Variants in SMNDC1 observed in about 807,000 individuals in gnomAD.
SMNDC1 encodes the protein survival motor neuron domain containing 1.
Under a neutral mutation model 29.2 loss-of-function variants are expected in SMNDC1, and 5 were observed. The ratio of observed to expected loss-of-function variants is 0.17; its 90% CI spans 0.09 to 0.36. The LOEUF (loss-of-function observed/expected upper bound fraction) is 0.36, where lower values mean the gene tolerates loss of function less well. Ranked by LOEUF, SMNDC1 falls within the 10% of genes least tolerant of loss-of-function variation. SMNDC1 has a pLI of 1.00. For missense variants in SMNDC1, 142 were observed against 268.5 expected (o/e 0.53, Z 3.29); for synonymous variants, 80 against 89.9 (o/e 0.89, Z 0.62).
At chr10:110,303,871 G>C in intron 1 of SMNDC1, 1 of 318,288 alleles carries the variant, frequency 3.1e-6, no homozygotes, top group Non-Finnish European at 5.7e-6. Flanking sequence ...CCTATCCACA[G>C]GGTAGGTGCT....
chr10:110,295,455 G>T, intron 4 of SMNDC1, 74 bp from the exon 5 acceptor site: 1 of 1,188,478 alleles, frequency 8.4e-7, no homozygotes, highest in Non-Finnish European at 1.1e-6. Flanking sequence ...GACACCGGCA[G>T]TGCAAAAAAA....
rs545219793 is a variant in SMNDC1 at position 110,303,557 on chromosome 10, T to C, written c.31A>G (p.Ser11Gly). The change falls in exon 2 of 6, where the codon AGC (serine) becomes GGC (glycine). Residue 11 changes from serine to glycine, a missense_variant. By Grantham distance (56) the Ser-to-Gly change is moderately conservative. Transcript: ENST00000369603. MSEDLAKQLA[S>G]YKAQLQQVEA... ...ACTTGCTGGAGCTGAGCTTTGTAGC[T>C]TGCCAGCTGCTTTGCTAAATCCTCT... The C allele has an allele frequency of 6.3e-6, 10 of 1,584,262 alleles. No individual in the cohort carries two copies. The South Asian group carries it at 1.1e-4, about 17-fold the overall frequency.
At chr10:110,303,765 T>C in intron 1 of SMNDC1, 178 bp from the exon 2 acceptor site, 1 of 533,940 alleles carries the variant, frequency 1.9e-6, no homozygotes, top group Non-Finnish European at 3.2e-6. Flanking sequence ...ACCACAAACT[T>C]AAAGGCAACA....
rs1329708951 is a variant in SMNDC1, at chr10:110,291,953, TCA to T, written c.*2195_*2196del. ...ACTCAATATTTAACATTTCAGTCTG[TCA>T]CAGTTTCAAAGCTTCAAGTCTCCTT... On this transcript the variant is annotated 3_prime_UTR_variant, in exon 6 of 6. Transcript: ENST00000369603. The T allele has an allele frequency of 2.0e-5, 3 of 152,330 alleles. No homozygotes were observed. The Middle Eastern group carries it at 0.01, about 518-fold the overall frequency. 9.4% of individuals were successfully genotyped at this position (152,330 alleles called of 1,614,324 possible). A position where few individuals can be genotyped will look rare whatever the true frequency, so the allele number is the denominator to read the frequency against.
At chr10:110,298,836 A>C in intron 2 of SMNDC1, 46 bp from the exon 3 acceptor site, 48 of 1,470,764 alleles carry the variant, frequency 3.3e-5, no homozygotes, top group Non-Finnish European at 4.4e-5. Context: ...TATAATTCTC[A>C]TTGTCAACTT....
chr10:110,298,717 G>A lies in SMNDC1; in HGVS notation c.194C>T (p.Ala65Val), dbSNP rs1564733973. ...CCATGAATGAGTAGGTTGAGTAGAAGCAAAACTGTCTGAACTTGCAAGCGT... is the reference window on the plus strand; with the variant it reads ...CCATGAATGAGTAGGTTGAGTAGAAACAAAACTGTCTGAACTTGCAAGCGT... ...SETLASSDSF[A>V]STQPTHSWKV... The change falls in exon 3 of 6, where the codon GCT (alanine) becomes GTT (valine). Residue 65 changes from alanine to valine, a missense_variant. Coordinates refer to ENST00000369603, the MANE Select transcript of SMNDC1 (RefSeq NM_005871.4). The A allele has an allele frequency of 6.2e-7, 1 of 1,613,454 alleles. No individual in the cohort carries two copies. Among genetic ancestry groups the A allele is most frequent in the Non-Finnish European group, 8.5e-7 (1 of 1,179,656 alleles).
rs1164265813 is a variant in SMNDC1, at chr10:110,291,124, T to C, written c.*3026A>G. 6.6e-6 allele frequency: 1 copy of C among 152,198 alleles called. No individual in the cohort carries two copies. The highest frequency in any genetic ancestry group is 2.4e-5 in the African/African-American group (1 of 41,440). The allele number at this position is 152,198 out of a possible 1,614,324, so 9.4% of individuals were successfully genotyped here. On this transcript the variant is annotated 3_prime_UTR_variant, in exon 6 of 6. Coordinates refer to ENST00000369603, the MANE Select transcript of SMNDC1 (RefSeq NM_005871.4). Reference sequence around the variant, plus strand: ...TCTTCATGATTAGGCTAAAAGGTAATTTTTCTTCATTTCCAAAGTCAAACT... The same window carrying C: ...TCTTCATGATTAGGCTAAAAGGTAACTTTTCTTCATTTCCAAAGTCAAACT...
intron 2 of SMNDC1, among the ~76,000 whole-genome samples, chr10:110,301,156 C>A (rs958940318): frequency 6.6e-6 from 1 of 152,066 alleles, no homozygotes. Context: ...GAGGAAGCCA[C>A]AAAATCAGTC....
rs1857496316 is a variant in SMNDC1, at chr10:110,291,218, C to T, written c.*2932G>A. The T allele has an allele frequency of 1.3e-5, 2 of 152,194 alleles. No individual in the cohort carries two copies. The highest frequency in any genetic ancestry group is 2.9e-5 in the Non-Finnish European group (2 of 68,046). 9.4% of individuals were successfully genotyped at this position (152,194 alleles called of 1,614,324 possible). ...CCTGCGGTGTTCGTCAAACAACATA[C>T]CTTGGCCTGGATAAGTCTAAGGTTG... On this transcript the variant is annotated 3_prime_UTR_variant, in exon 6 of 6. Coordinates refer to ENST00000369603, the MANE Select transcript of SMNDC1 (RefSeq NM_005871.4).
At position 110,297,558 on chromosome 10, in the gene SMNDC1, G is replaced by C. The variant is rs1334553901; in HGVS notation, c.425+9C>G. 1 of 1,611,572 alleles carries C rather than the reference G, an allele frequency of 6.2e-7. No individual in the cohort carries two copies. Among genetic ancestry groups the C allele is most frequent in the Non-Finnish European group, 8.5e-7 (1 of 1,178,900 alleles). On this transcript the variant is annotated intron_variant, in intron 4 of 5. Transcript: ENST00000369603. ...TTGCACCTAAAATGGAAAAGTCAAA[G>C]TCACTTACTTTGACATGGGTTTGTT...
In SMNDC1 at chr10:110,294,260, C is replaced by G. The variant is rs1392932341; in HGVS notation, c.607G>C (p.Glu203Gln). 1 of 1,599,724 alleles carries G rather than the reference C, an allele frequency of 6.3e-7. No homozygotes were observed. Residue 203 changes from glutamate to glutamine, a missense_variant, in exon 6 of 6, where the codon GAG (glutamate) becomes CAG (glutamine). This residue lies in a region of SMNDC1 where 54 missense variants were observed against 152.1 expected (regional missense o/e 0.36). Transcript: ENST00000369603. ...QVKRSIFASP[E>Q]SVTGKVGVGT... ...ACTCCAACTTTACCAGTCACACTCT[C>G]AGGTGAAGCAAAAATACTCCTCTTT... is the stretch of plus-strand genomic sequence containing the variant.
intron 3 of SMNDC1, among the ~76,000 whole-genome samples, chr10:110,298,319 T>C (rs1045128129): frequency 1.3e-5 from 2 of 152,206 alleles, no homozygotes; most frequent in Non-Finnish European, 2.9e-5. Context: ...ATGATGTCAG[T>C]GTATGCTCTT....
Position 110,293,995 on chromosome 10 carries a change from A to T in SMNDC1, c.*155T>A. The T allele has an allele frequency of 1.8e-6, 1 of 552,490 alleles. No individual in the cohort carries two copies. The highest frequency in any genetic ancestry group is 3.2e-5 in the South Asian group (1 of 31,416). The allele number at this position is 552,490 out of a possible 1,614,324, so 34.2% of individuals were successfully genotyped here. ...AAGTTAAATGAATAGCAGTTATCAAATGCAATTTCTTCACGTTTCATTCTA... is the reference window on the plus strand; with the variant it reads ...AAGTTAAATGAATAGCAGTTATCAATTGCAATTTCTTCACGTTTCATTCTA... On this transcript the variant is annotated 3_prime_UTR_variant, in exon 6 of 6. Coordinates refer to ENST00000369603, the MANE Select transcript of SMNDC1 (RefSeq NM_005871.4).
In SMNDC1 at chr10:110,292,256, T is replaced by C. The variant is rs1456098576; in HGVS notation, c.*1894A>G. 2.0e-5 allele frequency: 3 copies of C among 149,322 alleles called. No homozygotes were observed. Among genetic ancestry groups the C allele is most frequent in the African/African-American group, 7.5e-5 (3 of 40,214 alleles). The allele number at this position is 149,322 out of a possible 1,614,324, so 9.2% of individuals were successfully genotyped here. ...AGATCTTTGACACAAAGGTTGCTGATTTCATTCTAAAGGTCTATTTTCAAA... is the reference window on the plus strand; with the variant it reads ...AGATCTTTGACACAAAGGTTGCTGACTTCATTCTAAAGGTCTATTTTCAAA... On this transcript the variant is annotated 3_prime_UTR_variant, in exon 6 of 6. Coordinates refer to ENST00000369603, the MANE Select transcript of SMNDC1 (RefSeq NM_005871.4).
intron 2 of SMNDC1, among the ~76,000 whole-genome samples, chr10:110,302,133 G>A (rs1056539599): frequency 1.3e-5 from 2 of 152,186 alleles, no homozygotes; most frequent in Non-Finnish European, 2.9e-5. Flanking sequence ...ACTTTACAGA[G>A]TGTAAGAAAA....
intron 2 of SMNDC1, chr10:110,300,502 T>G: frequency 1.1e-6 from 1 of 937,230 alleles, no homozygotes; most frequent in Non-Finnish European, 1.3e-6. Flanking sequence ...ACCAAAGTAT[T>G]AGAAAAACTA....
At chr10:110,304,501 C>T (rs1441669740) in intron 1 of SMNDC1, 2 of 152,216 alleles carry the variant, frequency 1.3e-5, no homozygotes, top group Admixed American at 1.3e-4. Context: ...CACAGGGAGC[C>T]GCGCGGCGCC....
rs763026723 is a variant in SMNDC1, at chr10:110,297,740, T to C, written c.264-12A>G. 3.7e-6 allele frequency: 6 copies of C among 1,612,228 alleles called. No homozygotes were observed. Among genetic ancestry groups the C allele is most frequent in the South Asian group, 3.3e-5 (3 of 90,820 alleles). On this transcript the variant is annotated splice_polypyrimidine_tract_variant and intron_variant, in intron 3 of 5. Transcript: ENST00000369603. ...CCGCTTCATAACACCTGTAAAGATA[T>C]CATGGCTGTAAGCAGGTGAGTAAAG...
intron 1 of SMNDC1, 22 bp from the exon 2 acceptor site, chr10:110,303,609 A>T (rs771550829): frequency 1.3e-6 from 2 of 1,549,372 alleles, no homozygotes; most frequent in Non-Finnish European, 1.7e-6. Context: ...AAAAAGGGTT[A>T]GACCATGAAA....
Sources: allele counts gnomAD v4.1 joint callset (sites outside exome capture counted in the v4.1 genomes callset), GRCh38; gene constraint gnomAD v4.1.1; regional missense constraint gnomAD v4.1.1; transcripts MANE v1.5; gene names NCBI Gene and HGNC (gene_info 2026-07-23, HGNC 2026-07-21).